PRDM16: variants seen among roughly 807,000 people sequenced by gnomAD.
PRDM16 encodes the protein histone-lysine N-methyltransferase PRDM16.
In PRDM16, 23 loss-of-function variants were observed where a neutral mutation model predicts 110.6. The ratio of observed to expected loss-of-function variants is 0.21; its 90% CI spans 0.15 to 0.29. PRDM16 has a LOEUF of 0.29. Among genes scored for constraint, PRDM16 ranks in the 10% least tolerant of loss-of-function variants. PRDM16 has a pLI of 1.00. For missense variants in PRDM16, 1,615 were observed against 1,794.3 expected (o/e 0.90, Z 1.81); for synonymous variants, 799 against 781.8 (o/e 1.02, Z -0.37).
chr1:3,079,994 C>T (rs569028523), intron 1 of PRDM16, among the ~76,000 whole-genome samples: 9 of 152,244 alleles, frequency 5.9e-5, no homozygotes, highest in Non-Finnish European at 8.8e-5. Flanking sequence ...CGTGCCCACC[C>T]GGCCCAAAGC....
intron 2 of PRDM16, among the ~76,000 whole-genome samples, chr1:3,210,973 C>T (rs534613823): frequency 5.3e-5 from 8 of 152,306 alleles, no homozygotes; most frequent in Admixed American, 2.6e-4. Flanking sequence ...GATTTGTCCA[C>T]GCATTCATGA....
chr1:3,184,275 G>A (rs1265290818), intron 1 of PRDM16, among the ~76,000 whole-genome samples: 1 of 152,188 alleles, frequency 6.6e-6, no homozygotes, highest in Non-Finnish European at 1.5e-5. Context: ...AAAGCATTTT[G>A]CTACTTCTTG....
rs141274393 is a variant in PRDM16 at position 3,357,478 on chromosome 1, G to A, written c.439-27674G>A. On this transcript the variant is annotated intron_variant, in intron 3 of 16. Transcript: ENST00000270722. ...AGAGTCTCACCACGGGGCCTGGCCAGTGGCCCCAGGAGGCTCAGGGTCAGA... is the reference window on the plus strand; with the variant it reads ...AGAGTCTCACCACGGGGCCTGGCCAATGGCCCCAGGAGGCTCAGGGTCAGA... Among the ~76,000 whole-genome samples, 275 of 152,184 alleles carry A rather than the reference G, an allele frequency of 1.8e-3. 5 individuals carry two copies. Among genetic ancestry groups the A allele is most frequent in the Admixed American group, 0.016 (243 of 15,302 alleles).
chr1:3,222,864 T>A (rs749311616), intron 2 of PRDM16, among the ~76,000 whole-genome samples: 3 of 152,138 alleles, frequency 2.0e-5, no homozygotes, highest in Non-Finnish European at 2.9e-5. Flanking sequence ...GCACTTTGCA[T>A]CCAAAGGGGC....
At chr1:3,225,568 GTGTGT>G (rs1639268452) in intron 2 of PRDM16, among the ~76,000 whole-genome samples, 1 of 150,212 alleles carries the variant, frequency 6.7e-6, no homozygotes, top group Non-Finnish European at 1.5e-5. Context: ...GTGTGTGTGT[GTGTGT>G]GCGCGCGCGC....
chr1:3,188,697 G>A (rs2100803014), intron 2 of PRDM16, among the ~76,000 whole-genome samples: 1 of 152,310 alleles, frequency 6.6e-6, no homozygotes, highest in Admixed American at 6.5e-5. Flanking sequence ...CCGACTCCCT[G>A]GCTTTGGGAC....
intron 1 of PRDM16, among the ~76,000 whole-genome samples, chr1:3,084,055 G>T (rs1440806266): frequency 6.6e-6 from 1 of 152,270 alleles, no homozygotes; most frequent in Non-Finnish European, 1.5e-5. Context: ...CCACACGCTT[G>T]TGGAGGGAGC....
Position 3,206,605 on chromosome 1 carries a change from C to T in PRDM16, c.387+20131C>T, listed in dbSNP as rs1018619975. The T allele has an allele frequency of 6.6e-6, 1 of 152,298 alleles. No homozygotes were observed. The highest frequency in any genetic ancestry group is 2.4e-5 in the African/African-American group (1 of 41,456). 9.4% of individuals were successfully genotyped at this position (152,298 alleles called of 1,614,324 possible). On this transcript the variant is annotated intron_variant, in intron 2 of 16. Coordinates refer to ENST00000270722, the MANE Select transcript of PRDM16 (RefSeq NM_022114.4). The surrounding 1 kb of genome is among the most constrained non-coding windows in gnomAD (Gnocchi z 4.9). ...TTCCCACGCTCCTGTGCACACACCC[C>T]TCCCGGCCCTTCCATGGAGGACCTG...
At chr1:3,181,517 C>A in intron 1 of PRDM16, among the ~76,000 whole-genome samples, 1 of 107,022 alleles carries the variant, frequency 9.3e-6, no homozygotes, top group African/African-American at 3.5e-5. Flanking sequence ...CACACGCAGT[C>A]TTACACAAGC....
At position 3,117,928 on chromosome 1, in the gene PRDM16, G is replaced by A. The variant is rs146661980; in HGVS notation, c.37+48632G>A. On this transcript the variant is annotated intron_variant, in intron 1 of 16. Coordinates refer to ENST00000270722, the MANE Select transcript of PRDM16 (RefSeq NM_022114.4). ...ACAAGAGGCAGGGCTTCCTGGTGCC[G>A]GAAATCCATGCAAGTTGTGCACGTG... is the stretch of plus-strand genomic sequence containing the variant. Among the ~76,000 whole-genome samples, 126 of 152,318 alleles carry A rather than the reference G, an allele frequency of 8.3e-4. 1 individual carries two copies. Among genetic ancestry groups the A allele is most frequent in the African/African-American group, 2.6e-3 (108 of 41,588 alleles).
chr1:3,088,425 T>C (rs1450838933), intron 1 of PRDM16, among the ~76,000 whole-genome samples: 1 of 151,416 alleles, frequency 6.6e-6, no homozygotes, highest in East Asian at 1.9e-4. Context: ...CCGAATACTC[T>C]TGGGAGATGC....
intron 1 of PRDM16, among the ~76,000 whole-genome samples, chr1:3,147,948 T>C (rs1643707133): frequency 6.6e-6 from 1 of 152,160 alleles, no homozygotes; most frequent in Non-Finnish European, 1.5e-5. Context: ...GCGCTGACAG[T>C]CTCTGATTCT....
chr1:3,181,338 T>C (rs1644173645), intron 1 of PRDM16, among the ~76,000 whole-genome samples: 1 of 136,634 alleles, frequency 7.3e-6, no homozygotes, highest in Non-Finnish European at 1.5e-5. Context: ...ACACAAGCAG[T>C]CTTACACACG....
chr1:3,249,095 G>A lies in PRDM16; in HGVS notation c.438+4958G>A, dbSNP rs547602775. 2.6e-5 allele frequency among the ~76,000 whole-genome samples: 4 copies of A among 152,358 alleles called. No homozygotes were observed. The East Asian group carries it at 5.8e-4, about 22-fold the overall frequency. ...ATATACCGAGTTCCTGGCCATGCCA[G>A]GCTTTTAGCCCAGCACAGCACCACG... On this transcript the variant is annotated intron_variant, in intron 3 of 16. Coordinates refer to ENST00000270722, the MANE Select transcript of PRDM16 (RefSeq NM_022114.4).
intron 14 of PRDM16, among the ~76,000 whole-genome samples, chr1:3,426,482 G>A (rs1410558232): frequency 1.3e-5 from 2 of 152,128 alleles, no homozygotes; most frequent in Non-Finnish European, 2.9e-5. Flanking sequence ...GTTAACATAT[G>A]TGTGTGCAAA....
intron 2 of PRDM16, among the ~76,000 whole-genome samples, chr1:3,234,117 A>G (rs1458878011): frequency 1.3e-5 from 2 of 152,042 alleles, no homozygotes; most frequent in Non-Finnish European, 2.9e-5. Flanking sequence ...GAGTGTGTTC[A>G]GGGCTTGGGC....
chr1:3,158,778 CTT>C (rs558510731), intron 1 of PRDM16, among the ~76,000 whole-genome samples: 2 of 107,950 alleles, frequency 1.9e-5, no homozygotes, highest in Non-Finnish European at 2.0e-5. Context: ...TTCTTTCCTT[CTT>C]TTTTTTTTTT....
At chr1:3,272,575 G>T (rs992205688) in intron 3 of PRDM16, among the ~76,000 whole-genome samples, 8 of 152,234 alleles carry the variant, frequency 5.3e-5, no homozygotes, top group Admixed American at 5.2e-4. Context: ...CGTCCCGCCA[G>T]TGAGCCTGGG....
At chr1:3,119,515 C>T (rs893375344) in intron 1 of PRDM16, among the ~76,000 whole-genome samples, 4 of 152,308 alleles carry the variant, frequency 2.6e-5, no homozygotes, top group Admixed American at 2.6e-4. Flanking sequence ...GCCTCACCCC[C>T]AGGGATGGGG....
Sources: gnomAD v4.1 joint callset for allele counts (sites outside exome capture counted in the v4.1 genomes callset) on GRCh38, gnomAD v4.1.1 for gene constraint, Gnocchi (gnomAD v3.1) non-coding constraint, MANE v1.5 for transcripts, NCBI Gene and HGNC (gene_info 2026-07-23, HGNC 2026-07-21) for gene names.